SUFU: variants seen among roughly 807,000 people sequenced by gnomAD.
SUFU encodes the protein SUFU negative regulator of hedgehog signaling.
In SUFU, 7 loss-of-function variants were observed where a neutral mutation model predicts 58.9. That is an observed-to-expected ratio of 0.12 (90% confidence interval 0.07 to 0.22). The LOEUF (loss-of-function observed/expected upper bound fraction) is 0.22, where lower values mean the gene tolerates loss of function less well. Among genes scored for constraint, SUFU ranks in the 10% least tolerant of loss-of-function variants. The probability of loss-of-function intolerance (pLI) is 1.00; values close to 1 mark genes in which losing one functional copy is unlikely to be tolerated. For synonymous variants in SUFU, 232 were observed against 254.8 expected (o/e 0.91, Z 0.85); for missense variants, 451 against 641.3 (o/e 0.70, Z 3.20).
intron 2 of SUFU, among the ~76,000 whole-genome samples, chr10:102,524,062 A>T (rs181284633): frequency 1.3e-3 from 201 of 152,256 alleles, no homozygotes; most frequent in Admixed American, 3.7e-3. Flanking sequence ...CCTTTCGCAA[A>T]TAACTTCTCT....
At chr10:102,581,553 C>T (rs554167118) in intron 3 of SUFU, among the ~76,000 whole-genome samples, 20 of 152,302 alleles carry the variant, frequency 1.3e-4, no homozygotes, top group African/African-American at 4.8e-4. Context: ...CCTCTGGGCC[C>T]AGCTCCGCTG....
intron 2 of SUFU, among the ~76,000 whole-genome samples, chr10:102,532,837 T>C (rs552388861): frequency 6.6e-6 from 1 of 152,304 alleles, no homozygotes; most frequent in Admixed American, 6.5e-5. Context: ...CTGAGAAGTC[T>C]GGACTTTGTT....
At chr10:102,540,490 A>C (rs1240926397) in intron 2 of SUFU, among the ~76,000 whole-genome samples, 2 of 151,362 alleles carry the variant, frequency 1.3e-5, no homozygotes, top group Admixed American at 6.6e-5. Context: ...GTCTCTACCA[A>C]AAATACAAAA....
In SUFU at chr10:102,504,015, G is replaced by A; in HGVS notation, c.-138G>A. On this transcript the variant is annotated 5_prime_UTR_variant, in exon 1 of 12. Transcript: ENST00000369902. ...AGCCTGGGCGGACAGTGCGCCGTGC[G>A]CAGGCGCGGAGCTAGACCTCGCTGC... 8.3e-7 allele frequency: 1 copy of A among 1,204,752 alleles called. No individual in the cohort carries two copies. The highest frequency in any genetic ancestry group is 1.1e-6 in the Non-Finnish European group (1 of 914,938). The allele number at this position is 1,204,752 out of a possible 1,614,324, so 74.6% of individuals were successfully genotyped here. A position where few individuals can be genotyped will look rare whatever the true frequency, so the allele number is the denominator to read the frequency against.
At chr10:102,600,247 A>G (rs1371555128) in intron 8 of SUFU, among the ~76,000 whole-genome samples, 1 of 152,124 alleles carries the variant, frequency 6.6e-6, no homozygotes, top group African/African-American at 2.4e-5. Context: ...CTGGCAGGAG[A>G]TACCTGGGGG....
In SUFU at chr10:102,582,564, C is replaced by G. The variant is rs566231919; in HGVS notation, c.455-10018C>G. Among the ~76,000 whole-genome samples the G allele has an allele frequency of 5.9e-5, 9 of 152,236 alleles. No individual in the cohort carries two copies. The East Asian group carries it at 9.6e-4, about 16-fold the overall frequency. On this transcript the variant is annotated intron_variant, in intron 3 of 11. Transcript: ENST00000369902. Reference sequence around the variant, plus strand: ...TTCTGTGCGCCTGTTCAGCACCCCCCACGTTTTCAGAGTTCTTGCCCAGGA... The same window carrying G: ...TTCTGTGCGCCTGTTCAGCACCCCCGACGTTTTCAGAGTTCTTGCCCAGGA...
intron 3 of SUFU, among the ~76,000 whole-genome samples, chr10:102,585,850 T>C (rs1209389883): frequency 6.6e-6 from 1 of 151,606 alleles, no homozygotes; most frequent in Non-Finnish European, 1.5e-5. Context: ...TTAATGGCAT[T>C]GAGGATCTTT....
chr10:102,613,414 C>G (rs2063646691), intron 8 of SUFU, among the ~76,000 whole-genome samples: 1 of 152,218 alleles, frequency 6.6e-6, no homozygotes, highest in Non-Finnish European at 1.5e-5. Flanking sequence ...ACCTCAGGGG[C>G]ACGTCTAACC....
At chr10:102,574,274 A>G (rs1397618146) in intron 3 of SUFU, among the ~76,000 whole-genome samples, 2 of 152,220 alleles carry the variant, frequency 1.3e-5, no homozygotes, top group Non-Finnish European at 2.9e-5. Context: ...GAGATCTTAA[A>G]CTATAGTAAT....
chr10:102,629,361 C>G lies in SUFU; in HGVS notation c.1366-705C>G, dbSNP rs1423347058. Reference sequence around the variant, plus strand: ...CAGAACTGTAGGCAAATCAGTGTATCCTGGGATGGGGTGGGAGACATTTGG... The same window carrying G: ...CAGAACTGTAGGCAAATCAGTGTATGCTGGGATGGGGTGGGAGACATTTGG... On this transcript the variant is annotated intron_variant, in intron 11 of 11. Coordinates refer to ENST00000369902, the MANE Select transcript of SUFU (RefSeq NM_016169.4). The surrounding 1 kb of genome is among the most constrained non-coding windows in gnomAD (Gnocchi z 4.7). 6.6e-6 allele frequency among the ~76,000 whole-genome samples: 1 copy of G among 152,186 alleles called. No individual in the cohort carries two copies. Among genetic ancestry groups the G allele is most frequent in the African/African-American group, 2.4e-5 (1 of 41,448 alleles).
chr10:102,542,074 G>A (rs554187264), intron 2 of SUFU, among the ~76,000 whole-genome samples: 2 of 150,792 alleles, frequency 1.3e-5, no homozygotes, highest in East Asian at 2.0e-4. Context: ...GGTAGAGATG[G>A]GGTTTCTCCA....
chr10:102,559,862 G>A (rs1047680259), intron 3 of SUFU, among the ~76,000 whole-genome samples: 3 of 152,158 alleles, frequency 2.0e-5, no homozygotes, highest in Non-Finnish European at 2.9e-5. Flanking sequence ...TAGGAAAAAC[G>A]TATCTCCCCA....
chr10:102,555,932 T>A (rs1590025120), intron 3 of SUFU, among the ~76,000 whole-genome samples: 1 of 152,242 alleles, frequency 6.6e-6, no homozygotes, highest in East Asian at 1.9e-4. Context: ...GTAATTCTGT[T>A]TGATGGTCTT....
rs906897736 is a variant in SUFU, at chr10:102,619,179, G to A, written c.1296+1751G>A. 6.2e-7 allele frequency: 1 copy of A among 1,607,560 alleles called. No individual in the cohort carries two copies. Among genetic ancestry groups the A allele is most frequent in the Non-Finnish European group, 8.5e-7 (1 of 1,179,104 alleles). ...CAGCTCAAGAACCTTGGCCCCCACA[G>A]GACTTCGCAGATGTCACATTGCCCC... On this transcript the variant is annotated intron_variant, in intron 10 of 11. Coordinates refer to ENST00000369902, the MANE Select transcript of SUFU (RefSeq NM_016169.4). The surrounding 1 kb of genome is among the most constrained non-coding windows in gnomAD (Gnocchi z 4.2).
chr10:102,504,055 C>A lies in SUFU; in HGVS notation c.-98C>A. 1 of 1,436,900 alleles carries A rather than the reference C, an allele frequency of 7.0e-7. No homozygotes were observed. The highest frequency in any genetic ancestry group is 9.2e-7 in the Non-Finnish European group (1 of 1,092,454). The allele number at this position is 1,436,900 out of a possible 1,614,324, so 89.0% of individuals were successfully genotyped here. On this transcript the variant is annotated 5_prime_UTR_variant, in exon 1 of 12. Transcript: ENST00000369902. ...GACCTCGCTGCAGCCCCCATCGCCT[C>A]GGGGAGTCTCACCCACCGAGTCCGC...
chr10:102,601,507 G>A (rs2063514989), intron 8 of SUFU, among the ~76,000 whole-genome samples: 1 of 152,228 alleles, frequency 6.6e-6, no homozygotes, highest in South Asian at 2.1e-4. Flanking sequence ...TTAGTGCCCA[G>A]TAAGGTCTCT....
intron 3 of SUFU, among the ~76,000 whole-genome samples, chr10:102,577,473 G>A (rs2063224282): frequency 6.6e-6 from 1 of 151,842 alleles, no homozygotes; most frequent in South Asian, 2.1e-4. Flanking sequence ...TCAGCCTCTG[G>A]GACCACAGGC....
At chr10:102,506,054 A>G (rs2062322208) in intron 1 of SUFU, among the ~76,000 whole-genome samples, 3 of 150,900 alleles carry the variant, frequency 2.0e-5, no homozygotes, top group African/African-American at 4.9e-5. Context: ...AAAAAAAAAA[A>G]AAAAAAAAAA....
rs79883458 is a variant in SUFU at position 102,601,944 on chromosome 10, G to A, written c.1022+2400G>A. Among the ~76,000 whole-genome samples the A allele has an allele frequency of 7.6e-3, 1,161 of 152,264 alleles. 10 individuals carry two copies. Among genetic ancestry groups the A allele is most frequent in the African/African-American group, 0.016 (647 of 41,546 alleles). On this transcript the variant is annotated intron_variant, in intron 8 of 11. Transcript: ENST00000369902. ...AGGGAGCTCTTATGCATGGGTCTTC[G>A]CGGGTTTGTCTGTGGTCTAAGGAAG...
Sources: allele counts gnomAD v4.1 joint callset (sites outside exome capture counted in the v4.1 genomes callset), GRCh38; gene constraint gnomAD v4.1.1; non-coding constraint Gnocchi (gnomAD v3.1); transcripts MANE v1.5; gene names NCBI Gene and HGNC (gene_info 2026-07-23, HGNC 2026-07-21).